The following MAGI1 variants were observed in gnomAD, a reference collection of about 807,000 sequenced individuals.
The protein encoded by MAGI1 is membrane-associated guanylate kinase, WW and PDZ domain-containing protein 1.
Under a neutral mutation model 139.9 loss-of-function variants are expected in MAGI1, and 58 were observed. The ratio of observed to expected loss-of-function variants is 0.41; its 90% CI spans 0.34 to 0.52. The LOEUF is 0.52. Ranked by LOEUF, MAGI1 falls within the 20% of genes least tolerant of loss-of-function variation. The pLI, the probability that MAGI1 is intolerant of heterozygous loss-of-function variation, is 0.12. For missense variants in MAGI1, 1,874 were observed against 1,901.6 expected (o/e 0.99, Z 0.27); for synonymous variants, 812 against 737.9 (o/e 1.10, Z -1.63).
chr3:66,000,280 T>C (rs1208061973), intron 1 of MAGI1, among the ~76,000 whole-genome samples: 1 of 152,040 alleles, frequency 6.6e-6, no homozygotes, highest in Non-Finnish European at 1.5e-5. Flanking sequence ...CCAGCCCTTG[T>C]TCCCTTTTAA....
At chr3:66,009,140 A>C (rs1376449267) in intron 1 of MAGI1, 1 of 152,280 alleles carries the variant, frequency 6.6e-6, no homozygotes, top group Non-Finnish European at 1.5e-5. Flanking sequence ...GCAAAAGAAA[A>C]ACACACACAA....
intron 1 of MAGI1, among the ~76,000 whole-genome samples, chr3:65,945,795 A>G (rs563436373): frequency 6.6e-6 from 1 of 152,344 alleles, no homozygotes; most frequent in East Asian, 1.9e-4. Flanking sequence ...GGACTACCCA[A>G]TTCGTGAATC....
intron 13 of MAGI1, among the ~76,000 whole-genome samples, chr3:65,396,983 G>T (rs1198788973): frequency 6.6e-6 from 1 of 152,200 alleles, no homozygotes; most frequent in Admixed American, 6.5e-5. Flanking sequence ...ATGTTTTAAA[G>T]GAATGTAATA....
intron 1 of MAGI1, among the ~76,000 whole-genome samples, chr3:65,849,998 ATTAAT>A (rs1420108263): frequency 6.6e-6 from 1 of 152,168 alleles, no homozygotes; most frequent in East Asian, 1.9e-4. Flanking sequence ...TGTATCTGAA[ATTAAT>A]TTATCAATTA....
At chr3:65,488,676 T>C (rs565684091) in intron 3 of MAGI1, among the ~76,000 whole-genome samples, 2 of 151,610 alleles carry the variant, frequency 1.3e-5, no homozygotes, top group African/African-American at 4.8e-5. Context: ...TTACATTCAT[T>C]CATTCATATA....
chr3:65,864,776 G>T (rs534757143), intron 1 of MAGI1, among the ~76,000 whole-genome samples: 1 of 152,242 alleles, frequency 6.6e-6, no homozygotes, highest in South Asian at 2.1e-4. Flanking sequence ...TAATATGGAA[G>T]TCCTGCCTAC....
chr3:65,383,694 C>T (rs911334115), intron 14 of MAGI1, 71 bp from the exon 15 acceptor site: 2 of 921,116 alleles, frequency 2.2e-6, no homozygotes, highest in Non-Finnish European at 1.8e-6. Context: ...AAGATGAACA[C>T]AGTTGCAGGA....
At chr3:65,737,938 A>C (rs2034920692) in intron 1 of MAGI1, among the ~76,000 whole-genome samples, 1 of 152,218 alleles carries the variant, frequency 6.6e-6, no homozygotes, top group African/African-American at 2.4e-5. Flanking sequence ...GACTCCTAAA[A>C]TCAGATTCCA....
intron 2 of MAGI1, among the ~76,000 whole-genome samples, chr3:65,589,320 A>G (rs1205531001): frequency 6.6e-6 from 1 of 152,202 alleles, no homozygotes; most frequent in Non-Finnish European, 1.5e-5. Flanking sequence ...TCCCAGGCTT[A>G]TAGATCCCAC....
At chr3:65,541,860 C>G (rs2079242665) in intron 2 of MAGI1, among the ~76,000 whole-genome samples, 1 of 152,126 alleles carries the variant, frequency 6.6e-6, no homozygotes, top group South Asian at 2.1e-4. Context: ...AAAATGGGAA[C>G]AAGACAGGGA....
chr3:65,666,018 A>G (rs972197901), intron 1 of MAGI1, among the ~76,000 whole-genome samples: 4 of 152,160 alleles, frequency 2.6e-5, no homozygotes, highest in Non-Finnish European at 5.9e-5. Flanking sequence ...TAAGGAAAAA[A>G]AAATTCAAAC....
At chr3:65,712,383 G>C (rs1168605458) in intron 1 of MAGI1, among the ~76,000 whole-genome samples, 1 of 150,308 alleles carries the variant, frequency 6.7e-6, no homozygotes, top group African/African-American at 2.5e-5. Context: ...CCAGACATGT[G>C]AGTCAGGAAT....
chr3:65,916,915 A>G lies in MAGI1; in HGVS notation c.313+121081T>C, dbSNP rs577364526. On this transcript the variant is annotated intron_variant, in intron 1 of 22. Transcript: ENST00000402939. ...CTACTGTTCTCATTGTATACTTTTT[A>G]AAATCTTGGATAATCATACACGTAA... is the stretch of plus-strand genomic sequence containing the variant. Among the ~76,000 whole-genome samples, 9 of 152,320 alleles carry G rather than the reference A, an allele frequency of 5.9e-5. 1 individual carries two copies. In the South Asian group the frequency reaches 1.7e-3, roughly 28 times the overall value.
At chr3:65,991,506 C>T (rs982604279) in intron 1 of MAGI1, among the ~76,000 whole-genome samples, 3 of 151,982 alleles carry the variant, frequency 2.0e-5, no homozygotes, top group Non-Finnish European at 2.9e-5. Context: ...AACCAGACGT[C>T]GCTTTTTCTT....
intron 1 of MAGI1, among the ~76,000 whole-genome samples, chr3:65,715,332 T>C (rs974648729): frequency 1.3e-5 from 2 of 152,240 alleles, no homozygotes; most frequent in Admixed American, 6.5e-5. Flanking sequence ...AGCATTTTCA[T>C]CCTTCTCTCC....
chr3:65,444,491 G>C (rs957655837), intron 7 of MAGI1, among the ~76,000 whole-genome samples: 49 of 152,236 alleles, frequency 3.2e-4, no homozygotes, highest in African/African-American at 1.2e-3. Flanking sequence ...TTCAAAATCT[G>C]CAAACTGAGA....
chr3:65,670,707 T>C (rs1482648414), intron 1 of MAGI1, among the ~76,000 whole-genome samples: 1 of 152,142 alleles, frequency 6.6e-6, no homozygotes, highest in Non-Finnish European at 1.5e-5. Flanking sequence ...CCACTGTTCA[T>C]CTCTTCCCCG....
At chr3:65,474,058 G>A (rs534677558) in intron 4 of MAGI1, among the ~76,000 whole-genome samples, 2 of 152,278 alleles carry the variant, frequency 1.3e-5, no homozygotes, top group Non-Finnish European at 2.9e-5. Context: ...TTGAGCCCAG[G>A]AGTTAGACAC....
intron 1 of MAGI1, among the ~76,000 whole-genome samples, chr3:65,697,982 T>C (rs2089334305): frequency 1.2e-5 from 1 of 82,668 alleles, no homozygotes. Context: ...AACCCCATTG[T>C]CTCAGCCCAA....
Sources: gnomAD v4.1 joint callset for allele counts (sites outside exome capture counted in the v4.1 genomes callset) on GRCh38, gnomAD v4.1.1 for gene constraint, MANE v1.5 for transcripts, NCBI Gene and HGNC (gene_info 2026-07-23, HGNC 2026-07-21) for gene names.